Variants in TRPM3 observed in about 807,000 individuals in gnomAD.
TRPM3 encodes long transient receptor potential channel 3.
Under a neutral mutation model 181.2 loss-of-function variants are expected in TRPM3, and 77 were observed. The ratio of observed to expected loss-of-function variants is 0.42; its 90% CI spans 0.35 to 0.51. The LOEUF (loss-of-function observed/expected upper bound fraction) is 0.51. Ranked by LOEUF, TRPM3 falls within the 20% of genes least tolerant of loss-of-function variation. The pLI is 0.01. For missense variants in TRPM3, 1,759 were observed against 2,196.7 expected, an observed-to-expected ratio of 0.80 and a Z score of 3.98; for synonymous variants, 745 against 796.4, an observed-to-expected ratio of 0.94 and a Z score of 1.09.
intron 9 of TRPM3, among the ~76,000 whole-genome samples, chr9:70,643,398 G>C (rs976956547): frequency 6.6e-6 from 1 of 152,134 alleles, no homozygotes; most frequent in Non-Finnish European, 1.5e-5. Flanking sequence ...ATAGCAGCAC[G>C]AGCCTGAACA....
chr9:70,761,806 AAAT>A (rs1335247789), intron 7 of TRPM3, 82 bp from the exon 8 acceptor site: 16 of 1,489,280 alleles, frequency 1.1e-5, no homozygotes, highest in Non-Finnish European at 1.4e-5. Context: ...GCTCAAGAGG[AAAT>A]AATGAGGGTT....
intron 3 of TRPM3, among the ~76,000 whole-genome samples, chr9:70,848,477 T>C (rs1029308514): frequency 2.0e-5 from 3 of 152,106 alleles, no homozygotes; most frequent in Non-Finnish European, 2.9e-5. Flanking sequence ...AATTCTAACA[T>C]GCAGAAAGTT....
intron 1 of TRPM3, among the ~76,000 whole-genome samples, chr9:70,960,588 G>A (rs1035461726): frequency 4.6e-4 from 70 of 152,268 alleles, no homozygotes; most frequent in African/African-American, 1.5e-3. Flanking sequence ...CAGGAATACT[G>A]GGAGGCAGGA....
At position 70,625,668 on chromosome 9, in the gene TRPM3, C is replaced by T; in HGVS notation, c.1633-151G>A. ...AGGCTAGACAGGGCAAATGCTATCA[C>T]TCCCAGGCACTAGGAACTAGGTTTC... On this transcript the variant is annotated intron_variant, in intron 12 of 25. Transcript: ENST00000677713. This position sits in a 1 kb window ranked among gnomAD's most constrained non-coding sequence, Gnocchi z 4.8. 1 of 745,916 alleles carries T rather than the reference C, an allele frequency of 1.3e-6. No homozygotes were observed. Among genetic ancestry groups the T allele is most frequent in the Non-Finnish European group, 2.2e-6 (1 of 457,704 alleles). The allele number at this position is 745,916 out of a possible 1,614,324, so 46.2% of individuals were successfully genotyped here.
At chr9:70,748,339 T>C (rs1030315524) in intron 8 of TRPM3, among the ~76,000 whole-genome samples, 2 of 152,138 alleles carry the variant, frequency 1.3e-5, no homozygotes, top group Non-Finnish European at 2.9e-5. Flanking sequence ...GCTGCCAGGG[T>C]ACAACAGTGA....
chr9:71,337,040 T>C (rs977771143), intron 1 of TRPM3, among the ~76,000 whole-genome samples: 36 of 152,094 alleles, frequency 2.4e-4, no homozygotes, highest in Non-Finnish European at 4.9e-4. Context: ...GACATAGGGA[T>C]GGGCAAGGAC....
At chr9:71,286,989 T>TTG (rs2085344597) in intron 1 of TRPM3, among the ~76,000 whole-genome samples, 1 of 141,654 alleles carries the variant, frequency 7.1e-6, no homozygotes, top group South Asian at 2.1e-4. Flanking sequence ...TATTATATAA[T>TTG]TATATTATAT....
chr9:70,781,326 T>TAAAAA (rs35173071), intron 7 of TRPM3, among the ~76,000 whole-genome samples: 116 of 106,084 alleles, frequency 1.1e-3, no homozygotes, highest in African/African-American at 3.7e-3. Flanking sequence ...TTCCATTTCA[T>TAAAAA]AAAAAAAAAA....
At chr9:70,960,699 G>T (rs545953694) in intron 1 of TRPM3, among the ~76,000 whole-genome samples, 1 of 152,152 alleles carries the variant, frequency 6.6e-6, no homozygotes, top group African/African-American at 2.4e-5. Flanking sequence ...GGGTGGGCAC[G>T]TGGGTACTTT....
At chr9:71,433,308 G>A (rs1046633855) in intron 1 of TRPM3, among the ~76,000 whole-genome samples, 2 of 152,140 alleles carry the variant, frequency 1.3e-5, no homozygotes, top group Non-Finnish European at 2.9e-5. Context: ...AGTTACCCCC[G>A]TGCTGTTCTT....
intron 19 of TRPM3, among the ~76,000 whole-genome samples, chr9:70,604,436 A>G (rs2060631787): frequency 6.6e-6 from 1 of 152,210 alleles, no homozygotes; most frequent in South Asian, 2.1e-4. Flanking sequence ...TAGGGGCCTC[A>G]GGGGCTGTGA....
At chr9:71,045,031 A>T (rs989842522) in intron 1 of TRPM3, among the ~76,000 whole-genome samples, 3 of 152,046 alleles carry the variant, frequency 2.0e-5, no homozygotes, top group Non-Finnish European at 4.4e-5. Context: ...GAGACACTCC[A>T]TCGAAGAGTC....
intron 1 of TRPM3, among the ~76,000 whole-genome samples, chr9:70,912,284 A>G (rs2096545944): frequency 6.6e-6 from 1 of 152,172 alleles, no homozygotes; most frequent in African/African-American, 2.4e-5. Flanking sequence ...TTCCCCGCAA[A>G]GGTATGAAGT....
intron 1 of TRPM3, among the ~76,000 whole-genome samples, chr9:70,965,000 A>G (rs1314571092): frequency 6.6e-6 from 1 of 152,026 alleles, no homozygotes; most frequent in Non-Finnish European, 1.5e-5. Context: ...ATTGTTATCT[A>G]CATTCTGTTG....
intron 1 of TRPM3, among the ~76,000 whole-genome samples, chr9:71,019,714 T>A (rs140637097): frequency 0.017 from 2,523 of 152,254 alleles, 25 homozygotes; most frequent in Non-Finnish European, 0.026. Flanking sequence ...TTTTTACAAA[T>A]TGGCAATCTG....
chr9:70,578,975 T>C (rs1381946417), intron 22 of TRPM3, among the ~76,000 whole-genome samples: 1 of 152,112 alleles, frequency 6.6e-6, no homozygotes, highest in Non-Finnish European at 1.5e-5. Context: ...CAAATGTCTC[T>C]TTGCTGGGTG....
chr9:71,107,238 A>G (rs2069855124), intron 1 of TRPM3, among the ~76,000 whole-genome samples: 1 of 152,108 alleles, frequency 6.6e-6, no homozygotes, highest in African/African-American at 2.4e-5. Flanking sequence ...CATTCCCTTC[A>G]AGGGAGTTCC....
chr9:71,154,190 T>C (rs1168128065), intron 1 of TRPM3, among the ~76,000 whole-genome samples: 1 of 152,208 alleles, frequency 6.6e-6, no homozygotes, highest in Non-Finnish European at 1.5e-5. Flanking sequence ...TAAACACTTA[T>C]GTTTTAGATC....
intron 1 of TRPM3, among the ~76,000 whole-genome samples, chr9:71,120,689 G>A (rs747895174): frequency 2.0e-5 from 3 of 152,064 alleles, no homozygotes; most frequent in Non-Finnish European, 4.4e-5. Context: ...TCACCTGACT[G>A]GCCACCTAAC....
Sources: allele counts gnomAD v4.1 joint callset (sites outside exome capture counted in the v4.1 genomes callset), GRCh38; gene constraint gnomAD v4.1.1; non-coding constraint Gnocchi (gnomAD v3.1); transcripts MANE v1.5; gene names NCBI Gene and HGNC (gene_info 2026-07-23, HGNC 2026-07-21).